The following SGTA variants were observed in gnomAD, a reference collection of about 807,000 sequenced individuals.
SGTA encodes small glutamine-rich tetratricopeptide repeat-containing protein alpha.
SGTA carries 22 observed loss-of-function variants against 44.3 expected under a neutral mutation model. The observed-to-expected ratio is 0.50, with a 90% CI of 0.36 to 0.71. The LOEUF (loss-of-function observed/expected upper bound fraction) is 0.71, where lower values mean the gene tolerates loss of function less well. SGTA is among the 30% of genes least tolerant of loss of function. The pLI is 0.00. For synonymous variants in SGTA, 174 were observed against 177.6 expected (o/e 0.98, Z 0.16); for missense variants, 341 against 435.9 (o/e 0.78, Z 1.94).
chr19:2,778,908 C>T (rs1308088891), intron 1 of SGTA, among the ~76,000 whole-genome samples: 1 of 152,232 alleles, frequency 6.6e-6, no homozygotes, highest in Non-Finnish European at 1.5e-5. Flanking sequence ...GTTTATTCTG[C>T]TGTCCAGTGT....
In SGTA at chr19:2,763,220, T is replaced by A. The variant is rs1053571093; in HGVS notation, c.497+433A>T. On this transcript the variant is annotated intron_variant, in intron 6 of 11. Transcript: ENST00000221566. The surrounding 1 kb of genome is among the most constrained non-coding windows in gnomAD (Gnocchi z 5.8). ...AAGGGCATTCAGAGAAGCAGGCGAA[T>A]GCACGCTTATGCTGGGAGGGCGGCA... 6.6e-6 allele frequency among the ~76,000 whole-genome samples: 1 copy of A among 152,158 alleles called. No homozygotes were observed. Among genetic ancestry groups the A allele is most frequent in the African/African-American group, 2.4e-5 (1 of 41,442 alleles).
At chr19:2,782,340 A>C (rs962137312) in intron 1 of SGTA, among the ~76,000 whole-genome samples, 1 of 152,222 alleles carries the variant, frequency 6.6e-6, no homozygotes, top group African/African-American at 2.4e-5. Context: ...ACAGAAACAA[A>C]AGAAAATGGG....
rs373477466 is a variant in SGTA at position 2,757,801 on chromosome 19, G to A, written c.738-19C>T. 75 of 1,535,480 alleles carry A rather than the reference G, an allele frequency of 4.9e-5. No individual in the cohort carries two copies. Among genetic ancestry groups the A allele is most frequent in the Non-Finnish European group, 6.0e-5 (68 of 1,138,716 alleles). Reference sequence around the variant, plus strand: ...GGACATGCTGCAGGAGAGAGCGCGTGACTCGCAGCCGGGACAGCCTGACCG... The same window carrying A: ...GGACATGCTGCAGGAGAGAGCGCGTAACTCGCAGCCGGGACAGCCTGACCG... On this transcript the variant is annotated intron_variant, in intron 9 of 11. Transcript: ENST00000221566.
chr19:2,757,738 G>A lies in SGTA; in HGVS notation c.782C>T (p.Pro261Leu). 5.0e-6 allele frequency: 8 copies of A among 1,604,442 alleles called. No individual in the cohort carries two copies. The highest frequency in any genetic ancestry group is 1.7e-5 in the Admixed American group (1 of 58,532). ...ISGGNNPLGT[P>L]GTSPSQNDLA... is the part of the protein sequence containing the mutation. ...GTCGTTCTGCGAGGGGCTGGTGCCGGGAGTTCCCAAGGGGTTGTTGCCACC... is the reference window on the plus strand; with the variant it reads ...GTCGTTCTGCGAGGGGCTGGTGCCGAGAGTTCCCAAGGGGTTGTTGCCACC... The change falls in exon 10 of 12, where the codon CCC (proline) becomes CTC (leucine). Residue 261 changes from proline to leucine, a missense_variant. Physicochemically the swap from Pro to Leu is moderately conservative, Grantham distance 98. Transcript: ENST00000221566.
intron 8 of SGTA, among the ~76,000 whole-genome samples, chr19:2,760,176 A>G (rs893188866): frequency 6.6e-6 from 1 of 152,142 alleles, no homozygotes; most frequent in African/African-American, 2.4e-5. Flanking sequence ...CCGTATCATG[A>G]AAGCCACCAG....
At position 2,767,687 on chromosome 19, in the gene SGTA, C is replaced by CT; in HGVS notation, c.101-2dup. 1 of 1,612,646 alleles carries CT rather than the reference C, an allele frequency of 6.2e-7. No homozygotes were observed. The highest frequency in any genetic ancestry group is 8.5e-7 in the Non-Finnish European group (1 of 1,179,000). ...GCAGTCTCCAGGCACTGGATGGCGA[C>CT]TGAAGCGGGGACAGAGGCGGTCCCA... On this transcript the variant is annotated splice_acceptor_variant, in intron 2 of 11. Coordinates refer to ENST00000221566, the MANE Select transcript of SGTA (RefSeq NM_003021.4). LOFTEE classifies it high-confidence loss of function. This position sits in a 1 kb window ranked among gnomAD's most constrained non-coding sequence, Gnocchi z 7.3.
intron 1 of SGTA, among the ~76,000 whole-genome samples, chr19:2,771,585 G>GT (rs1310609726): frequency 6.6e-6 from 1 of 151,686 alleles, no homozygotes; most frequent in Non-Finnish European, 1.5e-5. Flanking sequence ...CGGGGGGGGG[G>GT]GGAGGGGTAC....
At chr19:2,775,204 G>C (rs1915417200) in intron 1 of SGTA, among the ~76,000 whole-genome samples, 1 of 152,228 alleles carries the variant, frequency 6.6e-6, no homozygotes, top group South Asian at 2.1e-4. Flanking sequence ...GGAGCCACAG[G>C]CACGGCAGGA....
chr19:2,765,386 G>A lies in SGTA; in HGVS notation c.293-101C>T. 1.2e-6 allele frequency: 1 copy of A among 846,674 alleles called. No homozygotes were observed. Among genetic ancestry groups the A allele is most frequent in the Non-Finnish European group, 1.9e-6 (1 of 521,718 alleles). The allele number at this position is 846,674 out of a possible 1,614,324, so 52.4% of individuals were successfully genotyped here. ...GGCCTGGTGTCCACACAGACCCGAGGGGGCGTCACACTTGGCTCTTCTGGG... is the reference window on the plus strand; with the variant it reads ...GGCCTGGTGTCCACACAGACCCGAGAGGGCGTCACACTTGGCTCTTCTGGG... On this transcript the variant is annotated intron_variant, in intron 4 of 11. Transcript: ENST00000221566. This position sits in a 1 kb window ranked among gnomAD's most constrained non-coding sequence, Gnocchi z 5.5.
chr19:2,759,144 A>T, intron 9 of SGTA, 113 bp downstream of exon 9: 2 of 923,346 alleles, frequency 2.2e-6, no homozygotes, highest in Non-Finnish European at 3.5e-6. Context: ...GAAAGTCCTT[A>T]ATGCCATTAA....
Position 2,759,254 on chromosome 19 carries a change from T to TA in SGTA, c.737+2dup. ...GACCCGAAGAAACCCGGTTGTCACTTACAGCTGCTGAATCTGGGGATTGTT... is the reference window on the plus strand; with the variant it reads ...GACCCGAAGAAACCCGGTTGTCACTTAACAGCTGCTGAATCTGGGGATTGTT... On this transcript the variant is annotated splice_region_variant and intron_variant, in intron 9 of 11. Transcript: ENST00000221566. The TA allele has an allele frequency of 6.2e-7, 1 of 1,613,942 alleles. No individual in the cohort carries two copies. Among genetic ancestry groups the TA allele is most frequent in the Non-Finnish European group, 8.5e-7 (1 of 1,179,838 alleles).
chr19:2,768,408 C>A (rs1408267746), intron 2 of SGTA, among the ~76,000 whole-genome samples: 4 of 152,168 alleles, frequency 2.6e-5, no homozygotes, highest in Non-Finnish European at 5.9e-5. Context: ...CACAGGTGAG[C>A]GAGGCATAGG....
chr19:2,765,310 G>A lies in SGTA; in HGVS notation c.293-25C>T, dbSNP rs1193026896. On this transcript the variant is annotated intron_variant, in intron 4 of 11. Coordinates refer to ENST00000221566, the MANE Select transcript of SGTA (RefSeq NM_003021.4). This position sits in a 1 kb window ranked among gnomAD's most constrained non-coding sequence, Gnocchi z 5.5. ...CCTACAGGGAGAGAGGAAAACACCG[G>A]CCCGGTGTCCACACAGACCGGAGGG... 6.4e-7 allele frequency: 1 copy of A among 1,563,690 alleles called. No homozygotes were observed. The highest frequency in any genetic ancestry group is 1.7e-5 in the Admixed American group (1 of 59,272).
intron 8 of SGTA, among the ~76,000 whole-genome samples, chr19:2,760,539 A>C (rs1054311592): frequency 6.6e-6 from 1 of 151,120 alleles, no homozygotes; most frequent in African/African-American, 2.4e-5. Flanking sequence ...AAAAAAAAAA[A>C]ACCAAAAAAA....
At position 2,767,817 on chromosome 19, in the gene SGTA, G is replaced by C. The variant is rs901200217; in HGVS notation, c.101-131C>G. The C allele has an allele frequency of 2.6e-5, 18 of 694,400 alleles. No homozygotes were observed. Among genetic ancestry groups the C allele is most frequent in the Non-Finnish European group, 4.4e-5 (17 of 387,872 alleles). 43.0% of individuals were successfully genotyped at this position (694,400 alleles called of 1,614,324 possible). A position where few individuals can be genotyped will look rare whatever the true frequency, so the allele number is the denominator to read the frequency against. On this transcript the variant is annotated intron_variant, in intron 2 of 11. Coordinates refer to ENST00000221566, the MANE Select transcript of SGTA (RefSeq NM_003021.4). The surrounding 1 kb of genome is among the most constrained non-coding windows in gnomAD (Gnocchi z 7.3). ...TTCCCAAGGACCCCAGAACGCAGGGGCCGCCGCCTGTGCTCTGGGCTGGGA... is the reference window on the plus strand; with the variant it reads ...TTCCCAAGGACCCCAGAACGCAGGGCCCGCCGCCTGTGCTCTGGGCTGGGA...
Position 2,761,456 on chromosome 19 carries a change from T to A in SGTA, c.699+4A>T. 6.4e-7 allele frequency: 1 copy of A among 1,551,400 alleles called. No homozygotes were observed. The highest frequency in any genetic ancestry group is 1.4e-5 in the African/African-American group (1 of 73,122). On this transcript the variant is annotated splice_donor_region_variant and intron_variant, in intron 8 of 11. Transcript: ENST00000221566. The surrounding 1 kb of genome is among the most constrained non-coding windows in gnomAD (Gnocchi z 5.7). ...ATGGACAGGGAGGAGGGGCGGGCCG[T>A]TACCATGCTCATGAAGCCAGGGTTG...
At chr19:2,756,522 A>ACAG (rs1914822845) in intron 11 of SGTA, among the ~76,000 whole-genome samples, 1 of 152,098 alleles carries the variant, frequency 6.6e-6, no homozygotes, top group Admixed American at 6.5e-5. Context: ...AAATTTGTCT[A>ACAG]CAGTAATTAT....
Position 2,765,377 on chromosome 19 carries a change from A to G in SGTA, c.293-92T>C, listed in dbSNP as rs1915109620. On this transcript the variant is annotated intron_variant, in intron 4 of 11. Coordinates refer to ENST00000221566, the MANE Select transcript of SGTA (RefSeq NM_003021.4). This position sits in a 1 kb window ranked among gnomAD's most constrained non-coding sequence, Gnocchi z 5.5. ...GAAAACACCGGCCTGGTGTCCACAC[A>G]GACCCGAGGGGGCGTCACACTTGGC... The G allele has an allele frequency of 4.3e-6, 4 of 933,128 alleles. No individual in the cohort carries two copies. In the Admixed American group the frequency reaches 8.0e-5, roughly 19 times the overall value. The allele number at this position is 933,128 out of a possible 1,614,324, so 57.8% of individuals were successfully genotyped here.
Position 2,767,244 on chromosome 19 carries a change from C to G in SGTA, c.208-24G>C. Reference sequence around the variant, plus strand: ...TCCTGGACCCGGAGGCAAAGGCGGCCCGCTGTCCTCTCCTCCCAACCTGGC... The same window carrying G: ...TCCTGGACCCGGAGGCAAAGGCGGCGCGCTGTCCTCTCCTCCCAACCTGGC... On this transcript the variant is annotated intron_variant, in intron 3 of 11. Transcript: ENST00000221566. The surrounding 1 kb of genome is among the most constrained non-coding windows in gnomAD (Gnocchi z 7.3). 1 of 1,571,158 alleles carries G rather than the reference C, an allele frequency of 6.4e-7. No individual in the cohort carries two copies. The highest frequency in any genetic ancestry group is 1.1e-5 in the South Asian group (1 of 87,510).
Sources: allele counts gnomAD v4.1 joint callset (sites outside exome capture counted in the v4.1 genomes callset), GRCh38; gene constraint gnomAD v4.1.1; non-coding constraint Gnocchi (gnomAD v3.1); transcripts MANE v1.5; gene names NCBI Gene and HGNC (gene_info 2026-07-23, HGNC 2026-07-21).